The following IMMP2L variants were observed in gnomAD, a reference collection of about 807,000 sequenced individuals.
The protein encoded by IMMP2L is inner mitochondrial membrane peptidase subunit 2.
IMMP2L carries 18 observed loss-of-function variants against 19.3 expected under a neutral mutation model. The ratio of observed to expected loss-of-function variants is 0.93; its 90% CI spans 0.64 to 1.38. The LOEUF (loss-of-function observed/expected upper bound fraction) is 1.38. Among genes scored for constraint, IMMP2L ranks in the 40% most tolerant of loss-of-function variants. IMMP2L has a pLI of 0.00. For synonymous variants in IMMP2L, 76 were observed against 73.0 expected (o/e 1.04, Z -0.21); for missense variants, 233 against 218.2 (o/e 1.07, Z -0.43).
At chr7:111,514,313 G>A (rs1845697209) in intron 2 of IMMP2L, among the ~76,000 whole-genome samples, 1 of 151,928 alleles carries the variant, frequency 6.6e-6, no homozygotes, top group Non-Finnish European at 1.5e-5. Flanking sequence ...GGTGGGAACT[G>A]AACAATGAGA....
intron 3 of IMMP2L, among the ~76,000 whole-genome samples, chr7:111,362,472 AT>A (rs564745418): frequency 6.6e-6 from 1 of 151,702 alleles, no homozygotes; most frequent in Non-Finnish European, 1.5e-5. Flanking sequence ...TTTCACATAC[AT>A]TTTTTTTCTA....
At chr7:110,817,714 A>G (rs1470555290) in intron 5 of IMMP2L, among the ~76,000 whole-genome samples, 2 of 152,132 alleles carry the variant, frequency 1.3e-5, no homozygotes, top group Non-Finnish European at 2.9e-5. Context: ...TTCAAACTAT[A>G]CTACGAGGCT....
At chr7:111,408,178 T>C (rs1834061564) in intron 3 of IMMP2L, among the ~76,000 whole-genome samples, 1 of 149,386 alleles carries the variant, frequency 6.7e-6, no homozygotes, top group Admixed American at 6.6e-5. Flanking sequence ...TGTACATACA[T>C]GGTAAGTTCC....
intron 3 of IMMP2L, among the ~76,000 whole-genome samples, chr7:111,141,645 C>T (rs546293120): frequency 8.5e-5 from 13 of 152,198 alleles, no homozygotes; most frequent in Admixed American, 1.3e-4. Context: ...TTTTATTCCT[C>T]ATTGGCATTT....
chr7:110,892,147 CG>C (rs1439756217), intron 4 of IMMP2L, among the ~76,000 whole-genome samples: 1 of 152,110 alleles, frequency 6.6e-6, no homozygotes, highest in Non-Finnish European at 1.5e-5. Flanking sequence ...TGTTCCCTGA[CG>C]TTCCCTTATC....
chr7:110,973,080 G>A (rs192442729), intron 3 of IMMP2L, among the ~76,000 whole-genome samples: 1 of 152,092 alleles, frequency 6.6e-6, no homozygotes, highest in East Asian at 1.9e-4. Context: ...GGAGTGGCTG[G>A]TCAAAGGGTA....
At position 110,877,853 on chromosome 7, in the gene IMMP2L, C is replaced by T. The variant is rs527581613; in HGVS notation, c.408+8740G>A. ...TCACCAGGTATTTACTCATAAAAAACTAACACCATTAAGGACCCAGACATA... is the reference window on the plus strand; with the variant it reads ...TCACCAGGTATTTACTCATAAAAAATTAACACCATTAAGGACCCAGACATA... On this transcript the variant is annotated intron_variant, in intron 5 of 5. Transcript: ENST00000405709. The surrounding 1 kb of genome is among the most constrained non-coding windows in gnomAD (Gnocchi z 4.0). Among the ~76,000 whole-genome samples the T allele has an allele frequency of 6.6e-6, 1 of 152,244 alleles. No individual in the cohort carries two copies. Among genetic ancestry groups the T allele is most frequent in the East Asian group, 1.9e-4 (1 of 5,182 alleles).
At chr7:110,935,729 A>G (rs259017) in intron 4 of IMMP2L, among the ~76,000 whole-genome samples, 83,604 of 152,014 alleles carry the variant, frequency 0.55, 24,842 homozygotes, top group East Asian at 0.85. Flanking sequence ...CAAAAAGGGC[A>G]CATACAGCTA....
chr7:111,098,537 A>C (rs1797637669), intron 3 of IMMP2L, among the ~76,000 whole-genome samples: 1 of 151,822 alleles, frequency 6.6e-6, no homozygotes, highest in Admixed American at 6.6e-5. Flanking sequence ...TATACGTTCA[A>C]ACCACATCAT....
intron 3 of IMMP2L, among the ~76,000 whole-genome samples, chr7:111,266,540 C>G (rs560464176): frequency 9.4e-4 from 129 of 137,930 alleles, no homozygotes; most frequent in African/African-American, 3.5e-3. Flanking sequence ...AAGACTATGT[C>G]TCCCAAAAAA....
At chr7:110,904,818 A>G (rs1328166479) in intron 4 of IMMP2L, among the ~76,000 whole-genome samples, 4 of 152,178 alleles carry the variant, frequency 2.6e-5, no homozygotes, top group Non-Finnish European at 5.9e-5. Context: ...AGTCCAAGAG[A>G]GGCCTGTTTT....
At chr7:111,349,994 T>C (rs1827984790) in intron 3 of IMMP2L, among the ~76,000 whole-genome samples, 1 of 149,900 alleles carries the variant, frequency 6.7e-6, no homozygotes, top group Non-Finnish European at 1.5e-5. Context: ...TGAGACGGAG[T>C]TTAGCTCTTA....
chr7:111,512,600 C>T (rs1338539024), intron 2 of IMMP2L, among the ~76,000 whole-genome samples: 2 of 151,998 alleles, frequency 1.3e-5, no homozygotes, highest in African/African-American at 4.8e-5. Flanking sequence ...CGCAGAAATA[C>T]ACAACACAAT....
rs558456404 is a variant in IMMP2L, at chr7:111,028,859, T to C, written c.240-65294A>G. Among the ~76,000 whole-genome samples the C allele has an allele frequency of 1.4e-4, 22 of 152,300 alleles. No individual in the cohort carries two copies. The South Asian group carries it at 4.3e-3, about 30-fold the overall frequency. On this transcript the variant is annotated intron_variant, in intron 3 of 5. Coordinates refer to ENST00000405709, the MANE Select transcript of IMMP2L (RefSeq NM_032549.4). ...TGGATTTGACATAAGGAAGAAATCT[T>C]ATGAGCAAGACTGTGAAAACTAAGC...
At chr7:111,042,848 T>C (rs1418850901) in intron 3 of IMMP2L, among the ~76,000 whole-genome samples, 4 of 152,118 alleles carry the variant, frequency 2.6e-5, no homozygotes. Flanking sequence ...CTAGGGAAAA[T>C]AATAAAGAAA....
chr7:111,156,192 CA>C (rs1397445920), intron 3 of IMMP2L, among the ~76,000 whole-genome samples: 14 of 151,974 alleles, frequency 9.2e-5, no homozygotes, highest in Admixed American at 5.3e-4. Flanking sequence ...TAATTACACA[CA>C]TTTTTTGGTT....
intron 4 of IMMP2L, among the ~76,000 whole-genome samples, chr7:110,910,020 AC>A (rs144213106): frequency 0.032 from 4,922 of 152,204 alleles, 102 homozygotes; most frequent in Non-Finnish European, 0.047. Flanking sequence ...GACTAATGGA[AC>A]TTTTAAGTAC....
intron 3 of IMMP2L, among the ~76,000 whole-genome samples, chr7:111,464,711 A>G (rs950023978): frequency 6.6e-6 from 1 of 152,114 alleles, no homozygotes; most frequent in African/African-American, 2.4e-5. Flanking sequence ...TCTAGCCTCA[A>G]TCATTTTTAC....
chr7:111,280,860 G>C (rs900966681), intron 3 of IMMP2L, among the ~76,000 whole-genome samples: 9 of 151,972 alleles, frequency 5.9e-5, no homozygotes, highest in African/African-American at 2.4e-5. Flanking sequence ...ACGAGGTCAG[G>C]AGATCGAGAC....
Sources: allele counts gnomAD v4.1 joint callset (sites outside exome capture counted in the v4.1 genomes callset), GRCh38; gene constraint gnomAD v4.1.1; non-coding constraint Gnocchi (gnomAD v3.1); transcripts MANE v1.5; gene names NCBI Gene and HGNC (gene_info 2026-07-23, HGNC 2026-07-21).